CAMTA1: variants seen among roughly 807,000 people sequenced by gnomAD.
CAMTA1 encodes calmodulin-binding transcription activator 1.
In CAMTA1, 27 loss-of-function variants were observed where a neutral mutation model predicts 170.9. The observed-to-expected ratio is 0.16, with a 90% CI of 0.12 to 0.22. The LOEUF (loss-of-function observed/expected upper bound fraction) is 0.22. CAMTA1 is among the 10% of genes least tolerant of loss of function. The pLI is 1.00. For synonymous variants in CAMTA1, 833 were observed against 891.5 expected (o/e 0.93, Z 1.17); for missense variants, 1,619 against 2,217.2 (o/e 0.73, Z 5.42).
chr1:7,422,479 G>A (rs2091629512), intron 5 of CAMTA1, among the ~76,000 whole-genome samples: 1 of 152,060 alleles, frequency 6.6e-6, no homozygotes, highest in East Asian at 1.9e-4. Flanking sequence ...AACACCAATG[G>A]CCAGACCCCC....
chr1:7,167,289 C>T (rs372885027), intron 4 of CAMTA1, among the ~76,000 whole-genome samples: 23 of 151,802 alleles, frequency 1.5e-4, no homozygotes, highest in African/African-American at 4.1e-4. Context: ...CCTTTTTTTC[C>T]GTGTTGGAAA....
At chr1:7,701,577 CGCT>C (rs1558158971) in intron 11 of CAMTA1, among the ~76,000 whole-genome samples, 1 of 151,874 alleles carries the variant, frequency 6.6e-6, no homozygotes, top group Non-Finnish European at 1.5e-5. Context: ...CACCACACCC[CGCT>C]AATTTTTTTT....
At chr1:7,718,369 G>A (rs560372996) in intron 11 of CAMTA1, among the ~76,000 whole-genome samples, 1 of 152,240 alleles carries the variant, frequency 6.6e-6, no homozygotes, top group South Asian at 2.1e-4. Flanking sequence ...CAAGCCGCTG[G>A]TGCTTAATTA....
rs190235342 is a variant in CAMTA1 at position 7,455,503 on chromosome 1, C to G, written c.439-12327C>G. ...CTTAATGTCCTGGCAGACAGCTCAG[C>G]CTTGCATTAACATAGCCACAGACCG... On this transcript the variant is annotated intron_variant, in intron 5 of 22. Transcript: ENST00000303635. This position sits in a 1 kb window ranked among gnomAD's most constrained non-coding sequence, Gnocchi z 5.0. Among the ~76,000 whole-genome samples, 4 of 152,360 alleles carry G rather than the reference C, an allele frequency of 2.6e-5. No homozygotes were observed. The East Asian group carries it at 7.7e-4, about 29-fold the overall frequency.
At chr1:7,477,237 A>G (rs987581532) in intron 6 of CAMTA1, among the ~76,000 whole-genome samples, 4 of 152,132 alleles carry the variant, frequency 2.6e-5, no homozygotes, top group Non-Finnish European at 5.9e-5. Flanking sequence ...GGACTAGTAA[A>G]CGGCAAAGCC....
intron 5 of CAMTA1, among the ~76,000 whole-genome samples, chr1:7,414,631 T>C (rs1330321597): frequency 6.6e-6 from 1 of 152,226 alleles, no homozygotes; most frequent in African/African-American, 2.4e-5. Flanking sequence ...TTATTGTGTC[T>C]GTTTGATTCT....
chr1:6,922,373 C>T (rs146164270), intron 3 of CAMTA1, among the ~76,000 whole-genome samples: 3 of 140,670 alleles, frequency 2.1e-5, no homozygotes, highest in African/African-American at 8.0e-5. Context: ...ATTATTATCA[C>T]CTCTCTTGGT....
chr1:7,215,981 G>C (rs1360451265), intron 4 of CAMTA1, among the ~76,000 whole-genome samples: 1 of 152,150 alleles, frequency 6.6e-6, no homozygotes, highest in African/African-American at 2.4e-5. Flanking sequence ...CTCTCACATT[G>C]CTATGAAGAA....
intron 5 of CAMTA1, among the ~76,000 whole-genome samples, chr1:7,395,606 G>A (rs1230824688): frequency 1.3e-5 from 2 of 152,046 alleles, no homozygotes; most frequent in African/African-American, 4.8e-5. Context: ...CTGTTTCTAT[G>A]AACAATGTTA....
intron 4 of CAMTA1, among the ~76,000 whole-genome samples, chr1:7,239,141 A>G (rs1460023864): frequency 1.3e-5 from 2 of 152,230 alleles, no homozygotes; most frequent in African/African-American, 4.8e-5. Flanking sequence ...AGCATCTCTC[A>G]GACACTGTAT....
intron 11 of CAMTA1, among the ~76,000 whole-genome samples, chr1:7,715,447 TC>T (rs2096602292): frequency 6.6e-6 from 1 of 151,578 alleles, no homozygotes; most frequent in Non-Finnish European, 1.5e-5. Flanking sequence ...TTTTTTTTTT[TC>T]TTGAGGCACG....
At chr1:6,992,836 A>G (rs1307646870) in intron 3 of CAMTA1, among the ~76,000 whole-genome samples, 1 of 152,256 alleles carries the variant, frequency 6.6e-6, no homozygotes, top group African/African-American at 2.4e-5. Context: ...ACTGGGGATT[A>G]CAATTTGGCA....
intron 6 of CAMTA1, among the ~76,000 whole-genome samples, chr1:7,476,924 C>T (rs2093428873): frequency 6.6e-6 from 1 of 152,210 alleles, no homozygotes; most frequent in Non-Finnish European, 1.5e-5. Context: ...TGGGTCTGTG[C>T]TTCAGGTCAG....
At chr1:6,855,256 T>G (rs952474818) in intron 3 of CAMTA1, among the ~76,000 whole-genome samples, 1 of 151,996 alleles carries the variant, frequency 6.6e-6, no homozygotes, top group Non-Finnish European at 1.5e-5. Flanking sequence ...ACCAGTTGTA[T>G]TAGTTTGTCC....
Position 6,817,088 on chromosome 1 carries a change from A to C in CAMTA1, c.46-3093A>C, listed in dbSNP as rs60144526. On this transcript the variant is annotated intron_variant, in intron 1 of 22. Coordinates refer to ENST00000303635, the MANE Select transcript of CAMTA1 (RefSeq NM_015215.4). ...TGTGTCATATGTTATTTTAGTGCCA[A>C]GTTCTTCCTGTTATTTCAGATATTC... is the stretch of plus-strand genomic sequence containing the variant. 2.6e-3 allele frequency among the ~76,000 whole-genome samples: 397 copies of C among 152,288 alleles called. 1 individual carries two copies. The highest frequency in any genetic ancestry group is 9.2e-3 in the African/African-American group (384 of 41,562).
chr1:7,276,786 A>G (rs1006524000), intron 5 of CAMTA1, among the ~76,000 whole-genome samples: 1 of 152,190 alleles, frequency 6.6e-6, no homozygotes, highest in Non-Finnish European at 1.5e-5. Context: ...AATTCTTTTT[A>G]TTTGCAGACA....
intron 5 of CAMTA1, among the ~76,000 whole-genome samples, chr1:7,460,417 G>A (rs931084214): frequency 7.2e-5 from 11 of 152,160 alleles, no homozygotes; most frequent in African/African-American, 2.4e-4. Flanking sequence ...GCATGTACAC[G>A]CTCTCTATCT....
intron 3 of CAMTA1, among the ~76,000 whole-genome samples, chr1:7,051,709 GT>G (rs1335080298): frequency 6.6e-6 from 1 of 151,998 alleles, no homozygotes; most frequent in East Asian, 1.9e-4. Context: ...ACTCATCCCT[GT>G]TTGCCAGGAC....
intron 5 of CAMTA1, chr1:7,389,341 A>G (rs1437549967): frequency 6.5e-6 from 1 of 152,678 alleles, no homozygotes; most frequent in East Asian, 1.9e-4. Flanking sequence ...GGAGCTCACC[A>G]TCCGGACTCG....
Sources: allele counts gnomAD v4.1 joint callset (sites outside exome capture counted in the v4.1 genomes callset), GRCh38; gene constraint gnomAD v4.1.1; non-coding constraint Gnocchi (gnomAD v3.1); transcripts MANE v1.5; gene names NCBI Gene and HGNC (gene_info 2026-07-23, HGNC 2026-07-21).